Variants in GSTO2 observed in about 807,000 individuals in gnomAD.
The protein encoded by GSTO2 is glutathione S-transferase omega-2.
GSTO2 carries 23 observed loss-of-function variants against 28.4 expected under a neutral mutation model. The ratio of observed to expected loss-of-function variants is 0.81; its 90% confidence interval spans 0.58 to 1.15. The LOEUF (loss-of-function observed/expected upper bound fraction) is 1.15. Ranked by LOEUF, GSTO2 falls within the 50% of genes most tolerant of loss-of-function variation. The pLI is 0.00. For missense variants in GSTO2, 298 were observed against 297.8 expected (o/e 1.00, Z 0.00); for synonymous variants, 109 against 111.0 (o/e 0.98, Z 0.11).
intron 5 of GSTO2, among the ~76,000 whole-genome samples, chr10:104,281,078 C>T (rs2012009856): frequency 6.6e-6 from 1 of 152,134 alleles, no homozygotes; most frequent in African/African-American, 2.4e-5. Flanking sequence ...CTTGGTTTTC[C>T]CATGTGTAAA....
chr10:104,281,315 A>G (rs991487767), intron 5 of GSTO2, among the ~76,000 whole-genome samples: 2 of 152,192 alleles, frequency 1.3e-5, no homozygotes, highest in Non-Finnish European at 2.9e-5. Context: ...GAGAATTTAT[A>G]GTCTATTTTA....
At chr10:104,273,954 C>T (rs1589854908) in intron 1 of GSTO2, among the ~76,000 whole-genome samples, 1 of 152,302 alleles carries the variant, frequency 6.6e-6, no homozygotes, top group East Asian at 1.9e-4. Flanking sequence ...CATTTACAAG[C>T]AATTCCCACA....
intron 5 of GSTO2, among the ~76,000 whole-genome samples, chr10:104,281,374 A>G (rs2012026901): frequency 6.6e-6 from 1 of 152,222 alleles, no homozygotes; most frequent in Non-Finnish European, 1.5e-5. Flanking sequence ...TCTCACAGAT[A>G]AACAAATACT....
intron 5 of GSTO2, among the ~76,000 whole-genome samples, chr10:104,287,602 A>T (rs1396666682): frequency 2.0e-5 from 3 of 152,158 alleles, no homozygotes; most frequent in Non-Finnish European, 4.4e-5. Context: ...AGGTGGTATG[A>T]TCCCATTTTA....
At chr10:104,278,830 A>C (rs1266857838) in intron 4 of GSTO2, among the ~76,000 whole-genome samples, 1 of 152,246 alleles carries the variant, frequency 6.6e-6, no homozygotes, top group Non-Finnish European at 1.5e-5. Context: ...GGAAATGTGA[A>C]GAATAGATAA....
At position 104,303,571 on chromosome 10, in the gene GSTO2, G is replaced by A. The variant is rs540512032; in HGVS notation, c.*4287G>A. On this transcript the variant is annotated 3_prime_UTR_variant, in exon 7 of 7. Coordinates refer to ENST00000338595, the MANE Select transcript of GSTO2 (RefSeq NM_183239.2). ...TGTTAAGTTGGAACTTATATTTACA[G>A]GGGAAGCAGAGCGTAAAAGTTTGGA... 2 of 152,318 alleles carry A rather than the reference G, an allele frequency of 1.3e-5. No individual in the cohort carries two copies. Among genetic ancestry groups the A allele is most frequent in the Non-Finnish European group, 2.9e-5 (2 of 68,028 alleles). 9.4% of individuals were successfully genotyped at this position (152,318 alleles called of 1,614,324 possible).
chr10:104,276,631 C>T (rs1204123135), intron 3 of GSTO2, among the ~76,000 whole-genome samples: 1 of 152,176 alleles, frequency 6.6e-6, no homozygotes, highest in Non-Finnish European at 1.5e-5. Context: ...CTAGTCGAGA[C>T]CCATTGCTTT....
chr10:104,269,833 C>T (rs2011300497), intron 1 of GSTO2, among the ~76,000 whole-genome samples: 2 of 152,192 alleles, frequency 1.3e-5, no homozygotes, highest in Non-Finnish European at 2.9e-5. Flanking sequence ...CTATTAGCTA[C>T]GAATTACATA....
In GSTO2 at chr10:104,282,553, C is replaced by CAAAAAAA. The variant is rs10715615; in HGVS notation, c.468+3091_468+3097dup. On this transcript the variant is annotated intron_variant, in intron 5 of 6. Transcript: ENST00000338595. ...TGGACAACACAGTGAAACCCTATCT[C>CAAAAAAA]AAAAAAAAAAAAAAAGAAGAAGAAG... 2.4e-3 allele frequency among the ~76,000 whole-genome samples: 245 copies of CAAAAAAA among 102,674 alleles called. 1 individual carries two copies. The highest frequency in any genetic ancestry group is 8.5e-3 in the African/African-American group (232 of 27,312). 67.4% of individuals were successfully genotyped at this position (102,674 alleles called of 152,430 possible).
chr10:104,294,966 T>G (rs960745659), intron 5 of GSTO2: 1 of 152,236 alleles, frequency 6.6e-6, no homozygotes, highest in Non-Finnish European at 1.5e-5. Context: ...TGGTTTGTTT[T>G]GACAAAGACT....
chr10:104,274,617 T>C, intron 1 of GSTO2, 68 bp from the exon 2 acceptor site: 1 of 511,914 alleles, frequency 2.0e-6, no homozygotes, highest in South Asian at 2.5e-5. Flanking sequence ...CTCCAAAGCT[T>C]TAAGCACATG....
chr10:104,272,290 A>G (rs2011442115), intron 1 of GSTO2, among the ~76,000 whole-genome samples: 1 of 152,220 alleles, frequency 6.6e-6, no homozygotes, highest in African/African-American at 2.4e-5. Context: ...ATACAGCCAC[A>G]CCCATTTGTT....
At chr10:104,293,356 G>A (rs922746341) in intron 5 of GSTO2, among the ~76,000 whole-genome samples, 4 of 152,104 alleles carry the variant, frequency 2.6e-5, no homozygotes, top group Admixed American at 2.6e-4. Context: ...TCAAGTCATG[G>A]TATTCTTTTT....
chr10:104,292,317 C>A (rs2012814385), intron 5 of GSTO2, among the ~76,000 whole-genome samples: 1 of 151,660 alleles, frequency 6.6e-6, no homozygotes, highest in South Asian at 2.1e-4. Flanking sequence ...CACCACTACA[C>A]CCAGCTAACT....
intron 1 of GSTO2, among the ~76,000 whole-genome samples, chr10:104,270,612 A>C (rs2011351281): frequency 2.0e-5 from 3 of 152,202 alleles, no homozygotes; most frequent in Non-Finnish European, 4.4e-5. Flanking sequence ...GGGAATATGA[A>C]ATTTTTCCTG....
At chr10:104,297,751 C>A in intron 6 of GSTO2, 67 bp downstream of exon 6, 1 of 1,055,674 alleles carries the variant, frequency 9.5e-7, no homozygotes, top group South Asian at 1.3e-5. Context: ...TTAAGATGGT[C>A]TGCATGCCCC....
In GSTO2 at chr10:104,299,382, C is replaced by A. The variant is rs2013191188; in HGVS notation, c.*98C>A. 4.5e-6 allele frequency: 6 copies of A among 1,331,944 alleles called. No homozygotes were observed. In the Admixed American group the frequency reaches 1.3e-4, roughly 28 times the overall value. The allele number at this position is 1,331,944 out of a possible 1,614,324, so 82.5% of individuals were successfully genotyped here. On this transcript the variant is annotated 3_prime_UTR_variant, in exon 7 of 7. Coordinates refer to ENST00000338595, the MANE Select transcript of GSTO2 (RefSeq NM_183239.2). ...GAACCAATCCGTCTCTCTTTCTTTTCTTTGAAGTTCCCAATAAAATGAAAA... is the reference window on the plus strand; with the variant it reads ...GAACCAATCCGTCTCTCTTTCTTTTATTTGAAGTTCCCAATAAAATGAAAA...
At chr10:104,283,437 G>A (rs529368521) in intron 5 of GSTO2, among the ~76,000 whole-genome samples, 1 of 152,282 alleles carries the variant, frequency 6.6e-6, no homozygotes, top group South Asian at 2.1e-4. Context: ...ACCAGCCTGG[G>A]CAACACAGTG....
intron 5 of GSTO2, among the ~76,000 whole-genome samples, chr10:104,282,135 T>C (rs7915805): frequency 0.063 from 9,206 of 147,218 alleles, 955 homozygotes; most frequent in African/African-American, 0.22. Flanking sequence ...AAGTATTCAG[T>C]CCATCACTTG....
Sources: gnomAD v4.1 joint callset for allele counts (sites outside exome capture counted in the v4.1 genomes callset) on GRCh38, gnomAD v4.1.1 for gene constraint, MANE v1.5 for transcripts, NCBI Gene and HGNC (gene_info 2026-07-23, HGNC 2026-07-21) for gene names.